The following ADAM12 variants were observed in gnomAD, a reference collection of about 807,000 sequenced individuals.
ADAM12 encodes ADAM metallopeptidase domain 12.
A neutral mutation model predicts 106.4 loss-of-function variants in ADAM12; 70 were observed. That is an observed-to-expected ratio of 0.66 (90% CI 0.54 to 0.80). The LOEUF (loss-of-function observed/expected upper bound fraction) is 0.80. ADAM12 is among the 30% of genes least tolerant of loss of function. The pLI is 0.00. For synonymous variants in ADAM12, 420 were observed against 433.5 expected (o/e 0.97, Z 0.39); for missense variants, 1,010 against 1,171.9 (o/e 0.86, Z 2.02).
chr10:126,193,903 T>C (rs1432999663), intron 3 of ADAM12, among the ~76,000 whole-genome samples: 2 of 143,726 alleles, frequency 1.4e-5, no homozygotes, highest in Non-Finnish European at 3.0e-5. Flanking sequence ...TGAAATAAAA[T>C]GAAATAAAAT....
chr10:126,350,996 C>T (rs1390616293), intron 1 of ADAM12, among the ~76,000 whole-genome samples: 1 of 152,306 alleles, frequency 6.6e-6, no homozygotes, highest in African/African-American at 2.4e-5. Flanking sequence ...TCAGTCTGGG[C>T]CATGTTCCCC....
chr10:126,365,810 A>C (rs942121304), intron 1 of ADAM12, among the ~76,000 whole-genome samples: 2 of 152,192 alleles, frequency 1.3e-5, no homozygotes, highest in Non-Finnish European at 2.9e-5. Flanking sequence ...ACACAGCCAA[A>C]CCATATCAAG....
At chr10:126,039,572 T>G in intron 18 of ADAM12, 143 bp from the exon 19 acceptor site, 1 of 986,340 alleles carries the variant, frequency 1.0e-6, no homozygotes, top group South Asian at 1.6e-5. Flanking sequence ...ACTAATAAAC[T>G]GTCTTACTTC....
At chr10:126,341,998 C>A (rs1214041328) in intron 1 of ADAM12, among the ~76,000 whole-genome samples, 1 of 152,184 alleles carries the variant, frequency 6.6e-6, no homozygotes, top group Non-Finnish European at 1.5e-5. Flanking sequence ...AAACCTCATG[C>A]GTTTTCATGG....
intron 2 of ADAM12, among the ~76,000 whole-genome samples, chr10:126,309,480 C>T (rs1316860308): frequency 6.6e-6 from 1 of 152,206 alleles, no homozygotes; most frequent in Non-Finnish European, 1.5e-5. Flanking sequence ...CTTTAGTTTT[C>T]TGCCACTCAT....
chr10:126,132,043 T>G (rs1956314718), intron 5 of ADAM12, among the ~76,000 whole-genome samples: 1 of 151,616 alleles, frequency 6.6e-6, no homozygotes, highest in Non-Finnish European at 1.5e-5. Flanking sequence ...TGGTACAATC[T>G]CGGCTCACTG....
intron 1 of ADAM12, among the ~76,000 whole-genome samples, chr10:126,354,283 A>G (rs1855463747): frequency 6.6e-6 from 1 of 152,150 alleles, no homozygotes; most frequent in Non-Finnish European, 1.5e-5. Context: ...TTTTTATTAG[A>G]GTAAAAGCCC....
In ADAM12 at chr10:126,157,040, T is replaced by G. The variant is rs1457593486; in HGVS notation, c.261-1735A>C. ...TTTTGTGTGTGTGTGTGTGGGGGGG[T>G]GCTCCTCCACTCTTGATCCAGAGAT... On this transcript the variant is annotated intron_variant, in intron 3 of 22. Coordinates refer to ENST00000448723, the MANE Select transcript of ADAM12 (RefSeq NM_001288973.2). 4.4e-4 allele frequency among the ~76,000 whole-genome samples: 66 copies of G among 151,288 alleles called. 1 individual carries two copies. Among genetic ancestry groups the G allele is most frequent in the African/African-American group, 1.6e-3 (65 of 40,954 alleles).
chr10:126,287,800 C>A (rs986438763), intron 2 of ADAM12, among the ~76,000 whole-genome samples: 1 of 152,084 alleles, frequency 6.6e-6, no homozygotes, highest in Non-Finnish European at 1.5e-5. Flanking sequence ...TGTTCTGTCT[C>A]TTCCTAGCAA....
chr10:126,248,319 A>T (rs1958669543), intron 3 of ADAM12, among the ~76,000 whole-genome samples: 1 of 152,208 alleles, frequency 6.6e-6, no homozygotes, highest in Non-Finnish European at 1.5e-5. Context: ...CGCCCCTGAT[A>T]TGAGAGCACT....
At chr10:126,141,351 A>T (rs1590486152) in intron 4 of ADAM12, among the ~76,000 whole-genome samples, 1 of 152,322 alleles carries the variant, frequency 6.6e-6, no homozygotes, top group East Asian at 1.9e-4. Context: ...ACATGGTCCC[A>T]CTAGGCCAGG....
chr10:126,027,757 G>A (rs1401825491), intron 21 of ADAM12, among the ~76,000 whole-genome samples: 1 of 152,100 alleles, frequency 6.6e-6, no homozygotes, highest in African/African-American at 2.4e-5. Context: ...CTAATATCCT[G>A]AATGAGTAAA....
intron 3 of ADAM12, among the ~76,000 whole-genome samples, chr10:126,275,597 T>C (rs1287248531): frequency 7.9e-5 from 12 of 152,216 alleles, no homozygotes; most frequent in Non-Finnish European, 1.6e-4. Flanking sequence ...ATTTAGGTTG[T>C]GGTTTCTAAG....
rs1332742524 is a variant in ADAM12 at position 126,016,561 on chromosome 10, C to T, written c.*718G>A. 1 of 152,334 alleles carries T rather than the reference C, an allele frequency of 6.6e-6. No homozygotes were observed. The highest frequency in any genetic ancestry group is 1.5e-5 in the Non-Finnish European group (1 of 68,134). The allele number at this position is 152,334 out of a possible 1,614,324, so 9.4% of individuals were successfully genotyped here. On this transcript the variant is annotated 3_prime_UTR_variant, in exon 23 of 23. Coordinates refer to ENST00000448723, the MANE Select transcript of ADAM12 (RefSeq NM_001288973.2). ...CCTTGAGTGACACTACAGACCCCTT[C>T]CAAACATGCTCACGGCTGGTCAGCT...
chr10:126,210,598 C>G (rs925137041), intron 3 of ADAM12, among the ~76,000 whole-genome samples: 6 of 152,096 alleles, frequency 3.9e-5, no homozygotes, highest in Admixed American at 6.5e-5. Context: ...TAAAAGAAGT[C>G]CAGTGAAGAA....
intron 3 of ADAM12, among the ~76,000 whole-genome samples, chr10:126,183,652 C>T (rs1957353011): frequency 6.6e-6 from 1 of 152,198 alleles, no homozygotes; most frequent in African/African-American, 2.4e-5. Flanking sequence ...TGGATGTCTC[C>T]TCTGTTCCCA....
intron 1 of ADAM12, among the ~76,000 whole-genome samples, chr10:126,341,035 G>A (rs1195101628): frequency 6.6e-6 from 1 of 152,020 alleles, no homozygotes; most frequent in Non-Finnish European, 1.5e-5. Context: ...CATTTGCTGT[G>A]CCCTCTGCAT....
rs1164290139 is a variant in ADAM12, at chr10:126,043,064, C to G, written c.2080G>C (p.Asp694His). Residue 694 changes from aspartate to histidine, a missense_variant, in exon 18 of 23, where the codon GAC (aspartate) becomes CAC (histidine). Around this residue, in one of 3 missense-constraint regions of ADAM12, gnomAD observed 615 missense variants for 708.5 expected, o/e 0.87. Transcript: ENST00000448723. The surrounding 1 kb of genome is among the most constrained non-coding windows in gnomAD (Gnocchi z 4.1). ...CCTGCTTGCCGGATGGGGCCGCTGT[C>G]TGTGCTTCCTCCAAAGCCAAACTTG... The part of the protein sequence containing the change: ...CDKFGFGGST[D>H]SGPIRQADNQ... The G allele has an allele frequency of 1.2e-6, 2 of 1,614,210 alleles. No homozygotes were observed. Among genetic ancestry groups the G allele is most frequent in the Non-Finnish European group, 1.7e-6 (2 of 1,180,024 alleles).
intron 11 of ADAM12, among the ~76,000 whole-genome samples, chr10:126,084,835 C>G (rs1457542493): frequency 6.6e-6 from 1 of 152,198 alleles, no homozygotes; most frequent in Non-Finnish European, 1.5e-5. Context: ...GGATCAGGAG[C>G]CTGAGGCTGC....
Sources: gnomAD v4.1 joint callset for allele counts (sites outside exome capture counted in the v4.1 genomes callset) on GRCh38, gnomAD v4.1.1 for gene constraint, gnomAD v4.1.1 regional missense constraint, Gnocchi (gnomAD v3.1) non-coding constraint, MANE v1.5 for transcripts, NCBI Gene and HGNC (gene_info 2026-07-23, HGNC 2026-07-21) for gene names.